Variants in RELN observed in about 807,000 individuals in gnomAD.
RELN encodes reelin.
In RELN, 108 loss-of-function variants were observed where a neutral mutation model predicts 427.6. That is an observed-to-expected ratio of 0.25 (90% CI 0.22 to 0.30). RELN has a LOEUF of 0.30. Among genes scored for constraint, RELN ranks in the 10% least tolerant of loss-of-function variants. The pLI, the probability that RELN is intolerant of heterozygous loss-of-function variation, is 1.00. For synonymous variants in RELN, 1,524 were observed against 1,513.4 expected (o/e 1.01, Z -0.16); for missense variants, 3,715 against 4,302.8 (o/e 0.86, Z 3.82).
chr7:103,521,143 ATTT>A (rs747127511), intron 48 of RELN, among the ~76,000 whole-genome samples: 4 of 147,820 alleles, frequency 2.7e-5, no homozygotes, highest in Non-Finnish European at 4.5e-5. Context: ...CGCCCGGCTA[ATTT>A]TTTTTTGTAT....
intron 12 of RELN, among the ~76,000 whole-genome samples, chr7:103,656,664 G>A (rs935256912): frequency 1.3e-5 from 2 of 152,040 alleles, no homozygotes; most frequent in African/African-American, 2.4e-5. Context: ...TATTCCCAAG[G>A]AAATTTGTGG....
intron 46 of RELN, among the ~76,000 whole-genome samples, chr7:103,526,815 C>T (rs929756876): frequency 6.6e-6 from 1 of 152,082 alleles, no homozygotes; most frequent in South Asian, 2.1e-4. Context: ...CCAAGAACTA[C>T]GAGTGTCTTG....
At chr7:103,679,151 C>T (rs1196509562) in intron 11 of RELN, among the ~76,000 whole-genome samples, 2 of 152,140 alleles carry the variant, frequency 1.3e-5, no homozygotes, top group Non-Finnish European at 2.9e-5. Context: ...GGAGGGCGGG[C>T]CCCCCAACCC....
At chr7:103,857,032 C>G (rs373124362) in intron 2 of RELN, among the ~76,000 whole-genome samples, 4 of 151,986 alleles carry the variant, frequency 2.6e-5, no homozygotes, top group African/African-American at 9.7e-5. Flanking sequence ...GTAACTGTAC[C>G]TAGCAAAGGT....
In RELN at chr7:103,551,095, C is replaced by G. The variant is rs752081680; in HGVS notation, c.6274G>C (p.Val2092Leu). The G allele has an allele frequency of 6.2e-7, 1 of 1,613,638 alleles. No homozygotes were observed. Residue 2092 changes from valine to leucine, a missense_variant, in exon 41 of 65, where the codon GTG becomes CTG. Physicochemically the swap from Val to Leu is conservative, Grantham distance 32. Around this residue, in one of 4 missense-constraint regions of RELN, gnomAD observed 1,310 missense variants for 1,643.0 expected, o/e 0.80. Transcript: ENST00000428762. Reference sequence around the variant, plus strand: ...CAAAGGTGCAGCTTCCCAAAGTGCACGACCTCCCTCCTCCAGCCCTGCATG... The same window carrying G: ...CAAAGGTGCAGCTTCCCAAAGTGCAGGACCTCCCTCCTCCAGCCCTGCATG... Reference protein sequence around the residue: ...GTMQGWRREVVHFGKLHLCGS... With the variant: ...GTMQGWRREVLHFGKLHLCGS...
intron 6 of RELN, among the ~76,000 whole-genome samples, chr7:103,734,518 T>C (rs1331376747): frequency 6.6e-6 from 1 of 152,196 alleles, no homozygotes; most frequent in Non-Finnish European, 1.5e-5. Context: ...AGGGAAATGC[T>C]AGCAATCCTC....
intron 20 of RELN, among the ~76,000 whole-genome samples, chr7:103,621,946 G>A (rs779335928): frequency 1.2e-4 from 18 of 152,162 alleles, no homozygotes; most frequent in African/African-American, 3.9e-4. Context: ...AACCTGGGAG[G>A]CAGAGGTTGT....
At chr7:103,897,122 G>T (rs1794978483) in intron 2 of RELN, among the ~76,000 whole-genome samples, 1 of 152,040 alleles carries the variant, frequency 6.6e-6, no homozygotes. Context: ...CCATCCCCAT[G>T]ATTAAATTAC....
chr7:103,481,188 A>G (rs1417443405), intron 63 of RELN, among the ~76,000 whole-genome samples: 1 of 152,200 alleles, frequency 6.6e-6, no homozygotes, highest in Non-Finnish European at 1.5e-5. Context: ...ATCTTAGTAT[A>G]AGTGAGGAAA....
chr7:103,670,653 T>C (rs534563068), intron 11 of RELN, among the ~76,000 whole-genome samples: 1 of 152,156 alleles, frequency 6.6e-6, no homozygotes, highest in African/African-American at 2.4e-5. Context: ...CTTTGCTCAT[T>C]TTCTTTGCAG....
chr7:103,685,668 T>C (rs1216026096), intron 10 of RELN, among the ~76,000 whole-genome samples: 4 of 152,166 alleles, frequency 2.6e-5, no homozygotes, highest in Admixed American at 2.6e-4. Flanking sequence ...ATCAATGACA[T>C]ACACTTTATG....
intron 2 of RELN, among the ~76,000 whole-genome samples, chr7:103,861,608 G>C (rs1794073475): frequency 6.6e-6 from 1 of 152,136 alleles, no homozygotes; most frequent in African/African-American, 2.4e-5. Context: ...AGCAAAAAGA[G>C]AAGTTCCACA....
chr7:103,479,247 T>C (rs957977599), intron 63 of RELN, among the ~76,000 whole-genome samples: 1 of 152,170 alleles, frequency 6.6e-6, no homozygotes, highest in South Asian at 2.1e-4. Flanking sequence ...CAAATTCTCT[T>C]TTATCCTAAG....
chr7:103,482,430 G>A (rs1487062361), intron 63 of RELN, among the ~76,000 whole-genome samples: 3 of 152,154 alleles, frequency 2.0e-5, no homozygotes, highest in Non-Finnish European at 4.4e-5. Flanking sequence ...CAAACTCTTT[G>A]TTCTAGTTGC....
At chr7:103,519,895 G>A (rs2528867) in intron 48 of RELN, among the ~76,000 whole-genome samples, 77,108 of 151,866 alleles carry the variant, frequency 0.51, 22,493 homozygotes, top group East Asian at 0.8. Context: ...ATAGTATTGT[G>A]GCACTGATTT....
intron 37 of RELN, 65 bp downstream of exon 37, chr7:103,557,900 C>A (rs1584293586): frequency 1.2e-6 from 1 of 804,236 alleles, no homozygotes; most frequent in African/African-American, 1.7e-5. Flanking sequence ...TCCGTGATTT[C>A]TTTGTGGAAA....
chr7:103,764,230 CATTTA>C (rs1414305620), intron 4 of RELN, among the ~76,000 whole-genome samples: 1 of 152,174 alleles, frequency 6.6e-6, no homozygotes, highest in Non-Finnish European at 1.5e-5. Context: ...TTCATCACGA[CATTTA>C]ATCCTCACAA....
intron 2 of RELN, among the ~76,000 whole-genome samples, chr7:103,913,275 T>C (rs551588696): frequency 6.6e-6 from 1 of 152,264 alleles, no homozygotes; most frequent in South Asian, 2.1e-4. Context: ...GTGTAATTAG[T>C]ACAATTAAAA....
intron 56 of RELN, 149 bp from the exon 57 acceptor site, chr7:103,496,047 A>T (rs1381496067): frequency 2.5e-6 from 2 of 803,414 alleles, no homozygotes; most frequent in Non-Finnish European, 4.0e-6. Flanking sequence ...ACACTTTAGG[A>T]TTGATTTTTA....
Sources: gnomAD v4.1 joint callset for allele counts (sites outside exome capture counted in the v4.1 genomes callset) on GRCh38, gnomAD v4.1.1 for gene constraint, gnomAD v4.1.1 regional missense constraint, MANE v1.5 for transcripts, NCBI Gene and HGNC (gene_info 2026-07-23, HGNC 2026-07-21) for gene names.